The following GPCPD1 variants were observed in gnomAD, a reference collection of about 807,000 sequenced individuals.
GPCPD1 encodes glycerophosphocholine phosphodiesterase 1.
GPCPD1 carries 29 observed loss-of-function variants against 89.2 expected under a neutral mutation model. The ratio of observed to expected loss-of-function variants is 0.33; its 90% confidence interval spans 0.24 to 0.44. The LOEUF is 0.44. GPCPD1 is among the 20% of genes least tolerant of loss of function. The pLI is 1.00. For synonymous variants in GPCPD1, 258 were observed against 266.3 expected (o/e 0.97, Z 0.30); for missense variants, 594 against 808.9 (o/e 0.73, Z 3.22).
At chr20:5,564,244 A>G (rs1986246782) in intron 15 of GPCPD1, among the ~76,000 whole-genome samples, 1 of 151,968 alleles carries the variant, frequency 6.6e-6, no homozygotes, top group South Asian at 2.1e-4. Flanking sequence ...TTTCAATATC[A>G]TCTTAAGTAA....
chr20:5,558,069 G>C lies in GPCPD1; in HGVS notation c.1705C>G (p.Pro569Ala), dbSNP rs752631402. The C allele has an allele frequency of 6.2e-7, 1 of 1,602,972 alleles. No individual in the cohort carries two copies. Among genetic ancestry groups the C allele is most frequent in the Admixed American group, 1.7e-5 (1 of 59,462 alleles). ...GCTTTTGCCTCTTGAATATAGGATG[G>C]GTTTCTGAGCAAGTCTTCAGTATGT... ...NVHTEDLLRN[P>A]SYIQEAKAKG... Residue 569 changes from proline (P) to alanine (A), a missense_variant, in exon 19 of 20, where the codon CCA becomes GCA. Pro to Ala is a conservative substitution (Grantham distance 27). Coordinates refer to ENST00000379019, the MANE Select transcript of GPCPD1 (RefSeq NM_019593.5).
rs1414502285 is a variant in GPCPD1, at chr20:5,558,837, T to A, written c.1533-18A>T. 1 of 1,530,616 alleles carries A rather than the reference T, an allele frequency of 6.5e-7. No individual in the cohort carries two copies. The highest frequency in any genetic ancestry group is 1.4e-5 in the African/African-American group (1 of 71,162). 94.8% of individuals were successfully genotyped at this position (1,530,616 alleles called of 1,614,324 possible). ...GCCGAACCCTGAAAAGAAACAATTT[T>A]AAAAATACCTTTCAATGGGGGGTAA... On this transcript the variant is annotated intron_variant, in intron 17 of 19. Transcript: ENST00000379019.
chr20:5,580,738 A>AC (rs938090550), intron 6 of GPCPD1, among the ~76,000 whole-genome samples: 1 of 151,760 alleles, frequency 6.6e-6, no homozygotes, highest in African/African-American at 2.4e-5. Flanking sequence ...AAAAAAAAAA[A>AC]AAAAGAAAAA....
chr20:5,575,266 G>A (rs1440458680), intron 10 of GPCPD1, 147 bp downstream of exon 10: 11 of 581,588 alleles, frequency 1.9e-5, no homozygotes, highest in Admixed American at 3.2e-5. Context: ...GAATCTTAAG[G>A]TTGGTCTCTA....
chr20:5,580,627 G>A (rs1600761061), intron 6 of GPCPD1, among the ~76,000 whole-genome samples: 1 of 151,384 alleles, frequency 6.6e-6, no homozygotes, highest in East Asian at 2.0e-4. Flanking sequence ...TTGGGAGGCT[G>A]AGGCAGGAGA....
In GPCPD1 at chr20:5,547,726, A is replaced by T. The variant is rs771095521; in HGVS notation, c.1954T>A (p.Ser652Thr). The T allele has an allele frequency of 3.1e-6, 5 of 1,610,648 alleles. No individual in the cohort carries two copies. Among genetic ancestry groups the T allele is most frequent in the Non-Finnish European group, 4.2e-6 (5 of 1,176,994 alleles). Residue 652 changes from serine (S) to threonine (T), a missense_variant, in exon 20 of 20, where the codon TCT becomes ACT. Transcript: ENST00000379019. ...CPTVSRFVPS[S>T]LCGESDIHVD... ...TGGATATCAGACTCCCCACACAAAG[A>T]TGAGGGAACAAAGCGGCTAACAGTG...
At position 5,557,971 on chromosome 20, in the gene GPCPD1, A is replaced by C; in HGVS notation, c.1803T>G (p.Leu601=). The C allele has an allele frequency of 6.3e-7, 1 of 1,598,210 alleles. No individual in the cohort carries two copies. Among genetic ancestry groups the C allele is most frequent in the Non-Finnish European group, 8.6e-7 (1 of 1,167,138 alleles). ...DPENRRKLKE[L]GVNGLIYDRI... is the part of the protein sequence containing the mutation. ...TATCATAAATTAGACCATTAACTCCAAGTTCCTTCAATTTCCTTCTGTTTT... is the reference window on the plus strand; with the variant it reads ...TATCATAAATTAGACCATTAACTCCCAGTTCCTTCAATTTCCTTCTGTTTT... The change falls in exon 19 of 20, where the codon CTT becomes CTG. Residue 601 remains leucine, a synonymous_variant. Coordinates refer to ENST00000379019, the MANE Select transcript of GPCPD1 (RefSeq NM_019593.5).
At chr20:5,582,482 C>T (rs1360809137) in intron 6 of GPCPD1, among the ~76,000 whole-genome samples, 1 of 152,140 alleles carries the variant, frequency 6.6e-6, no homozygotes, top group Non-Finnish European at 1.5e-5. Flanking sequence ...CTTTCCTGTG[C>T]TTAGCAGGAA....
At chr20:5,578,795 T>C (rs6053512) in intron 7 of GPCPD1, among the ~76,000 whole-genome samples, 184 bp from the exon 8 acceptor site, 22,443 of 152,158 alleles carry the variant, frequency 0.15, 1,779 homozygotes, top group South Asian at 0.19. Context: ...TTTTATAAAA[T>C]ACTGATGTTA....
At chr20:5,568,688 T>C (rs1174090041) in intron 12 of GPCPD1, among the ~76,000 whole-genome samples, 4 of 152,074 alleles carry the variant, frequency 2.6e-5, no homozygotes, top group Non-Finnish European at 5.9e-5. Flanking sequence ...GCGGATCACC[T>C]GAGGTCAAGA....
chr20:5,555,097 GA>G (rs1358421197), intron 19 of GPCPD1, among the ~76,000 whole-genome samples: 1 of 152,198 alleles, frequency 6.6e-6, no homozygotes, highest in African/African-American at 2.4e-5. Context: ...TATGGATGAG[GA>G]AAGAAAATGG....
At chr20:5,579,433 C>T (rs186060642) in intron 7 of GPCPD1, among the ~76,000 whole-genome samples, 267 of 152,196 alleles carry the variant, frequency 1.8e-3, no homozygotes, top group Non-Finnish European at 3.0e-3. Context: ...CTGCAACTTC[C>T]GCCTTCCGGG....
At chr20:5,593,496 T>G (rs527954536) in intron 3 of GPCPD1, 85 bp from the exon 4 acceptor site, 54 of 744,162 alleles carry the variant, frequency 7.3e-5, no homozygotes, top group Non-Finnish European at 1.2e-4. Context: ...ACTCCTCAAA[T>G]AAAACGTATG....
chr20:5,591,675 TAGAC>T (rs1342616391), intron 4 of GPCPD1, among the ~76,000 whole-genome samples: 2 of 152,216 alleles, frequency 1.3e-5, no homozygotes, highest in East Asian at 1.9e-4. Context: ...AATGTACAAC[TAGAC>T]AAAGTTTCAT....
At position 5,574,563 on chromosome 20, in the gene GPCPD1, G is replaced by A. The variant is rs570129092; in HGVS notation, c.1002-594C>T. 7.2e-5 allele frequency among the ~76,000 whole-genome samples: 11 copies of A among 152,110 alleles called. No individual in the cohort carries two copies. In the South Asian group the frequency reaches 2.1e-3, roughly 29 times the overall value. On this transcript the variant is annotated intron_variant, in intron 10 of 19. Transcript: ENST00000379019. ...TGGCCTGGGCAACAAGGTGAGACCC[G>A]GTCTCTACAGAAAAATACCAAAAAA... is the stretch of plus-strand genomic sequence containing the variant.
At chr20:5,598,636 A>C in intron 3 of GPCPD1, 89 bp downstream of exon 3, 1 of 740,500 alleles carries the variant, frequency 1.4e-6, no homozygotes, top group Non-Finnish European at 2.3e-6. Flanking sequence ...ATTATAACTA[A>C]AAGAAAAAAT....
At chr20:5,590,637 A>G (rs1189966331) in intron 4 of GPCPD1, among the ~76,000 whole-genome samples, 1 of 152,118 alleles carries the variant, frequency 6.6e-6, no homozygotes, top group Non-Finnish European at 1.5e-5. Flanking sequence ...AGACTCTCTG[A>G]GAGTATTCAA....
Position 5,565,054 on chromosome 20 carries a change from G to T in GPCPD1, c.1292C>A (p.Ser431Tyr). Residue 431 changes from serine to tyrosine, a missense_variant, in exon 15 of 20, where the codon TCC becomes TAC. Physicochemically the swap from Ser to Tyr is moderately radical, Grantham distance 144 (BLOSUM62 -2). Transcript: ENST00000379019. ...RKESVVQEENSFSENQPFPSL... is the reference protein window; with the variant it reads ...RKESVVQEENYFSENQPFPSL... The stretch of plus-strand genomic sequence containing the variant: ...AGGAAATGGCTGATTTTCTGAAAAG[G>T]AATTTTCCTCCTGAACCACAGATTC... The T allele has an allele frequency of 6.4e-7, 1 of 1,551,198 alleles. No homozygotes were observed. Among genetic ancestry groups the T allele is most frequent in the South Asian group, 1.1e-5 (1 of 89,600 alleles).
At chr20:5,580,204 C>T (rs1196584546) in intron 6 of GPCPD1, 73 bp from the exon 7 acceptor site, 4 of 726,346 alleles carry the variant, frequency 5.5e-6, no homozygotes, top group Non-Finnish European at 9.2e-6. Context: ...TACCTATAGG[C>T]ATTGATAATT....
Sources: gnomAD v4.1 joint callset for allele counts (sites outside exome capture counted in the v4.1 genomes callset) on GRCh38, gnomAD v4.1.1 for gene constraint, MANE v1.5 for transcripts, NCBI Gene and HGNC (gene_info 2026-07-23, HGNC 2026-07-21) for gene names.